Variants in LHFPL3 observed in about 807,000 individuals in gnomAD.
LHFPL3 encodes LHFPL tetraspan subfamily member 3 protein.
LHFPL3 carries 5 observed loss-of-function variants against 19.3 expected under a neutral mutation model. The ratio of observed to expected loss-of-function variants is 0.26; its 90% confidence interval spans 0.14 to 0.54. The LOEUF (loss-of-function observed/expected upper bound fraction) is 0.54, where lower values mean the gene tolerates loss of function less well. Among genes scored for constraint, LHFPL3 ranks in the 20% least tolerant of loss-of-function variants. The probability of loss-of-function intolerance (pLI) is 0.94; values close to 1 mark genes in which losing one functional copy is unlikely to be tolerated. For synonymous variants in LHFPL3, 133 were observed against 126.2 expected (o/e 1.05, Z -0.36); for missense variants, 249 against 307.4 (o/e 0.81, Z 1.42).
chr7:104,817,107 G>T (rs1278053240), intron 2 of LHFPL3, among the ~76,000 whole-genome samples: 1 of 151,402 alleles, frequency 6.6e-6, no homozygotes, highest in African/African-American at 2.4e-5. Flanking sequence ...CCCTGCCTCT[G>T]CCTATCTACA....
At chr7:104,892,378 A>G (rs1304690573) in intron 2 of LHFPL3, among the ~76,000 whole-genome samples, 1 of 152,192 alleles carries the variant, frequency 6.6e-6, no homozygotes, top group East Asian at 1.9e-4. Flanking sequence ...ATAAAAACAG[A>G]AAAAGAAAAA....
At chr7:104,704,651 T>A (rs1458291282) in intron 1 of LHFPL3, among the ~76,000 whole-genome samples, 29 of 151,794 alleles carry the variant, frequency 1.9e-4, no homozygotes, top group Admixed American at 3.9e-4. Flanking sequence ...TTTTTTTTTT[T>A]TTTTGACAGG....
chr7:104,453,538 A>G (rs1792483251), intron 1 of LHFPL3, among the ~76,000 whole-genome samples: 1 of 152,210 alleles, frequency 6.6e-6, no homozygotes, highest in Non-Finnish European at 1.5e-5. Flanking sequence ...AAGAACTTAC[A>G]ATAGCAACTT....
intron 1 of LHFPL3, among the ~76,000 whole-genome samples, chr7:104,608,368 T>C (rs993718641): frequency 2.7e-5 from 4 of 150,926 alleles, no homozygotes; most frequent in Non-Finnish European, 4.4e-5. Flanking sequence ...AAATTGGAAA[T>C]CATCATTCTC....
At chr7:104,431,282 G>C (rs1374467665) in intron 1 of LHFPL3, among the ~76,000 whole-genome samples, 1 of 152,042 alleles carries the variant, frequency 6.6e-6, no homozygotes, top group Non-Finnish European at 1.5e-5. Context: ...GCTTTCTCTT[G>C]GCCCCTCTGC....
intron 1 of LHFPL3, among the ~76,000 whole-genome samples, chr7:104,498,217 T>G (rs954430948): frequency 6.6e-6 from 1 of 151,492 alleles, no homozygotes; most frequent in Non-Finnish European, 1.5e-5. Context: ...TGCTACAAAA[T>G]GCAGTTTCTA....
chr7:104,612,894 G>A (rs1016375857), intron 1 of LHFPL3, among the ~76,000 whole-genome samples: 4 of 152,072 alleles, frequency 2.6e-5, no homozygotes, highest in African/African-American at 9.7e-5. Flanking sequence ...TAGCCTCCTT[G>A]TTCCAGAATT....
intron 2 of LHFPL3, among the ~76,000 whole-genome samples, chr7:104,813,479 T>C (rs1790512940): frequency 6.6e-6 from 1 of 152,204 alleles, no homozygotes; most frequent in Admixed American, 6.5e-5. Context: ...GCCTGAGTTT[T>C]GCTTGTGCCC....
intron 2 of LHFPL3, among the ~76,000 whole-genome samples, chr7:104,750,828 G>A (rs2116343497): frequency 6.6e-6 from 1 of 152,208 alleles, no homozygotes; most frequent in South Asian, 2.1e-4. Context: ...TTGTTGTGGG[G>A]CCTGAGGCTG....
At chr7:104,753,864 C>G (rs1376609360) in intron 2 of LHFPL3, among the ~76,000 whole-genome samples, 1 of 152,208 alleles carries the variant, frequency 6.6e-6, no homozygotes, top group Admixed American at 6.5e-5. Context: ...ACCTTTCAGG[C>G]TGGCAGAATT....
intron 2 of LHFPL3, among the ~76,000 whole-genome samples, chr7:104,744,846 GC>G (rs1184068686): frequency 6.6e-6 from 1 of 152,114 alleles, no homozygotes; most frequent in Non-Finnish European, 1.5e-5. Context: ...GGTCTCCTTT[GC>G]CAATTCCTCT....
chr7:104,334,301 C>T (rs1801620893), intron 1 of LHFPL3, among the ~76,000 whole-genome samples: 1 of 152,166 alleles, frequency 6.6e-6, no homozygotes, highest in South Asian at 2.1e-4. Flanking sequence ...AATCGCAGCA[C>T]TTTGCGAGGC....
chr7:104,589,962 C>T (rs915220677), intron 1 of LHFPL3, among the ~76,000 whole-genome samples: 2 of 152,062 alleles, frequency 1.3e-5, no homozygotes, highest in Non-Finnish European at 2.9e-5. Flanking sequence ...GGTGATATCT[C>T]CTTTATCATT....
chr7:104,402,881 T>C (rs1225583394), intron 1 of LHFPL3, among the ~76,000 whole-genome samples: 1 of 152,194 alleles, frequency 6.6e-6, no homozygotes, highest in Non-Finnish European at 1.5e-5. Flanking sequence ...GGAGTATTTA[T>C]AAAAATGATT....
At chr7:104,828,156 G>C (rs925743336) in intron 2 of LHFPL3, among the ~76,000 whole-genome samples, 1 of 151,934 alleles carries the variant, frequency 6.6e-6, no homozygotes. Context: ...CGCCATGCCT[G>C]ACTCATAAAT....
chr7:104,598,428 C>T (rs188125955), intron 1 of LHFPL3, among the ~76,000 whole-genome samples: 92 of 152,282 alleles, frequency 6.0e-4, no homozygotes, highest in African/African-American at 2.2e-3. Flanking sequence ...TGAAACATGG[C>T]TTTCCAGTAT....
intron 1 of LHFPL3, among the ~76,000 whole-genome samples, chr7:104,651,548 G>T (rs13230447): frequency 6.6e-6 from 1 of 152,194 alleles, no homozygotes; most frequent in Admixed American, 6.5e-5. Context: ...AGGGAGGCAG[G>T]GTGCCTGTCT....
chr7:104,350,824 G>A (rs1475721196), intron 1 of LHFPL3, among the ~76,000 whole-genome samples: 1 of 152,148 alleles, frequency 6.6e-6, no homozygotes, highest in African/African-American at 2.4e-5. Flanking sequence ...TGAATTCCCT[G>A]AGGTCAGGAA....
At chr7:104,447,796 T>A (rs1439057189) in intron 1 of LHFPL3, among the ~76,000 whole-genome samples, 1 of 152,120 alleles carries the variant, frequency 6.6e-6, no homozygotes, top group African/African-American at 2.4e-5. Flanking sequence ...TTAATCAAAA[T>A]TCTTTTAAAA....
Sources: gnomAD v4.1 joint callset for allele counts (sites outside exome capture counted in the v4.1 genomes callset) on GRCh38, gnomAD v4.1.1 for gene constraint, MANE v1.5 for transcripts, NCBI Gene and HGNC (gene_info 2026-07-23, HGNC 2026-07-21) for gene names.